NCKAP5: variants seen among roughly 807,000 people sequenced by gnomAD.
The protein encoded by NCKAP5 is nck-associated protein 5.
Under a neutral mutation model 167.0 loss-of-function variants are expected in NCKAP5, and 92 were observed. The observed-to-expected ratio is 0.55, with a 90% CI of 0.47 to 0.66. The LOEUF (loss-of-function observed/expected upper bound fraction) is 0.66, where lower values mean the gene tolerates loss of function less well. NCKAP5 is among the 30% of genes least tolerant of loss of function. NCKAP5 has a pLI of 0.00. For missense variants in NCKAP5, 2,378 were observed against 2,315.0 expected, an observed-to-expected ratio of 1.03 and a Z score of -0.56; for synonymous variants, 891 against 877.4, an observed-to-expected ratio of 1.02 and a Z score of -0.27.
chr2:133,207,310 A>C (rs1251016567), intron 5 of NCKAP5, among the ~76,000 whole-genome samples: 1 of 152,128 alleles, frequency 6.6e-6, no homozygotes, highest in Non-Finnish European at 1.5e-5. Flanking sequence ...AATAGAAAGG[A>C]CCTACAGGGC....
intron 4 of NCKAP5, among the ~76,000 whole-genome samples, chr2:133,228,380 T>C (rs1313978721): frequency 1.3e-5 from 2 of 152,234 alleles, no homozygotes; most frequent in Non-Finnish European, 2.9e-5. Flanking sequence ...ATTTCAATTA[T>C]ATTAACTCCA....
chr2:132,734,192 G>T (rs1691298046), intron 16 of NCKAP5, among the ~76,000 whole-genome samples: 1 of 152,166 alleles, frequency 6.6e-6, no homozygotes, highest in Non-Finnish European at 1.5e-5. Context: ...GTATTTAATT[G>T]TTATAGAATG....
intron 17 of NCKAP5, among the ~76,000 whole-genome samples, chr2:132,729,214 C>T (rs1042818173): frequency 1.3e-5 from 2 of 152,124 alleles, no homozygotes; most frequent in African/African-American, 4.8e-5. Flanking sequence ...TGTTGAAAGA[C>T]TACAGGTTAG....
At chr2:133,377,933 G>T (rs1040307744) in intron 3 of NCKAP5, among the ~76,000 whole-genome samples, 2 of 152,116 alleles carry the variant, frequency 1.3e-5, no homozygotes, top group African/African-American at 4.8e-5. Context: ...CTGGGGGCAG[G>T]GCTGCTCTCA....
At chr2:133,258,409 T>C (rs1274983696) in intron 4 of NCKAP5, among the ~76,000 whole-genome samples, 1 of 152,160 alleles carries the variant, frequency 6.6e-6, no homozygotes, top group African/African-American at 2.4e-5. Context: ...TTTCCTAAGA[T>C]AGCCTCTACA....
the NCKAP5 span, among the ~76,000 whole-genome samples, chr2:133,599,766 C>T: frequency 5.3e-5 from 8 of 152,100 alleles, no homozygotes; most frequent in Non-Finnish European, 1.0e-4. Context: ...GGTGAGATGC[C>T]GGGAGAGCAT....
rs2086304242 is a variant in NCKAP5, at chr2:133,213,706, C to A, written c.207+10G>T. On this transcript the variant is annotated intron_variant, in intron 5 of 19. Transcript: ENST00000409261. ...TGTTGTGGAATGAGGGGACGGCAGTCAGGACTTACCATGGCCCCCTCACTT... is the reference window on the plus strand; with the variant it reads ...TGTTGTGGAATGAGGGGACGGCAGTAAGGACTTACCATGGCCCCCTCACTT... 6.2e-7 allele frequency: 1 copy of A among 1,613,470 alleles called. No homozygotes were observed. The highest frequency in any genetic ancestry group is 8.5e-7 in the Non-Finnish European group (1 of 1,179,674).
intron 11 of NCKAP5, among the ~76,000 whole-genome samples, chr2:132,800,621 T>C (rs1684950425): frequency 6.6e-6 from 1 of 152,160 alleles, no homozygotes; most frequent in Non-Finnish European, 1.5e-5. Flanking sequence ...CTGTCTGAGT[T>C]GATCTTTTGT....
At chr2:133,135,152 G>C (rs980562618) in intron 5 of NCKAP5, among the ~76,000 whole-genome samples, 1 of 152,216 alleles carries the variant, frequency 6.6e-6, no homozygotes, top group Non-Finnish European at 1.5e-5. Flanking sequence ...TTAATTAAGA[G>C]TATGCTGAAA....
intron 4 of NCKAP5, among the ~76,000 whole-genome samples, chr2:133,280,806 T>C (rs2089909473): frequency 6.6e-6 from 1 of 152,178 alleles, no homozygotes. Flanking sequence ...TTGTGGGTGT[T>C]CTTGAGCTAA....
intron 3 of NCKAP5, among the ~76,000 whole-genome samples, chr2:133,497,241 T>C (rs766827740): frequency 6.6e-6 from 1 of 152,214 alleles, no homozygotes; most frequent in Non-Finnish European, 1.5e-5. Context: ...TAAAGGACTG[T>C]CAAAATTTGA....
At chr2:133,490,254 T>C (rs892780893) in intron 3 of NCKAP5, among the ~76,000 whole-genome samples, 6 of 152,098 alleles carry the variant, frequency 3.9e-5, no homozygotes, top group African/African-American at 1.4e-4. Flanking sequence ...TGGAGTCTGG[T>C]CCCCAGCCAG....
At chr2:132,980,378 A>T (rs2077098812) in intron 7 of NCKAP5, among the ~76,000 whole-genome samples, 1 of 152,130 alleles carries the variant, frequency 6.6e-6, no homozygotes, top group African/African-American at 2.4e-5. Context: ...CCCCAGACCC[A>T]TTAAATCCTT....
chr2:133,333,788 C>T (rs1320570596), intron 3 of NCKAP5: 1 of 152,198 alleles, frequency 6.6e-6, no homozygotes, highest in Non-Finnish European at 1.5e-5. Flanking sequence ...TGAGGGACTG[C>T]ACTGGGTGTT....
chr2:133,387,594 C>T (rs574484997), intron 3 of NCKAP5, among the ~76,000 whole-genome samples: 3 of 152,278 alleles, frequency 2.0e-5, no homozygotes, highest in African/African-American at 4.8e-5. Context: ...TGTTGGCCTG[C>T]CTTGCTAAGT....
At chr2:133,047,901 TG>T (rs2079456217) in intron 6 of NCKAP5, among the ~76,000 whole-genome samples, 1 of 152,168 alleles carries the variant, frequency 6.6e-6, no homozygotes, top group Non-Finnish European at 1.5e-5. Context: ...ATATATAAAA[TG>T]AAGCCCCACA....
At chr2:133,647,833 G>T in the NCKAP5 span, among the ~76,000 whole-genome samples, 1 of 152,100 alleles carries the variant, frequency 6.6e-6, no homozygotes, top group South Asian at 2.1e-4. Flanking sequence ...GCAGGGCAGG[G>T]CAGGGCAGGG....
At chr2:133,610,047 G>A in the NCKAP5 span, among the ~76,000 whole-genome samples, 1 of 152,132 alleles carries the variant, frequency 6.6e-6, no homozygotes, top group Non-Finnish European at 1.5e-5. Flanking sequence ...AGATAAATCA[G>A]CATCCCTTCC....
intron 8 of NCKAP5, among the ~76,000 whole-genome samples, chr2:132,904,432 G>A (rs540866725): frequency 1.5e-4 from 23 of 151,918 alleles, no homozygotes; most frequent in Admixed American, 4.6e-4. Context: ...CATACTATAC[G>A]TTATTTAACC....
Sources: allele counts gnomAD v4.1 joint callset (sites outside exome capture counted in the v4.1 genomes callset), GRCh38; gene constraint gnomAD v4.1.1; transcripts MANE v1.5; gene names NCBI Gene and HGNC (gene_info 2026-07-23, HGNC 2026-07-21).